Variants in GPC3 observed in about 807,000 individuals in gnomAD.
GPC3 encodes the protein glypican-3.
Under a neutral mutation model 34.4 loss-of-function variants are expected in GPC3, and 3 were observed. The ratio of observed to expected loss-of-function variants is 0.09; its 90% CI spans 0.04 to 0.23. The LOEUF (loss-of-function observed/expected upper bound fraction) is 0.23, where lower values mean the gene tolerates loss of function less well. Ranked by LOEUF, GPC3 falls within the 10% of genes least tolerant of loss-of-function variation. GPC3 has a pLI of 1.00. For missense variants in GPC3, 351 were observed against 445.6 expected (o/e 0.79, Z 1.91); for synonymous variants, 177 against 174.0 (o/e 1.02, Z -0.13).
intron 7 of GPC3, among the ~76,000 whole-genome samples, chrX:133,542,640 C>T (rs1244722803): frequency 8.9e-6 from 1 of 112,061 alleles, no homozygotes; most frequent in Non-Finnish European, 1.9e-5. Flanking sequence ...TCAATCTGGC[C>T]CTAATATAGC....
intron 3 of GPC3, among the ~76,000 whole-genome samples, chrX:133,734,847 C>A (rs1236679925): frequency 4.5e-5 from 5 of 110,250 alleles, no homozygotes; most frequent in Non-Finnish European, 9.5e-5. Context: ...AATAAATAAC[C>A]CAAAATGAAA....
At chrX:133,668,112 C>T (rs1427732493) in intron 5 of GPC3, among the ~76,000 whole-genome samples, 5 of 108,851 alleles carry the variant, frequency 4.6e-5, no homozygotes, top group Admixed American at 9.8e-5. Context: ...ACCCTGTTAG[C>T]CAGAATGGTC....
chrX:133,622,749 T>C (rs2070248181), intron 6 of GPC3, among the ~76,000 whole-genome samples: 1 of 111,931 alleles, frequency 8.9e-6, no homozygotes, highest in Non-Finnish European at 1.9e-5. Context: ...CTCTGCAGGA[T>C]ATTATTCAGG....
At chrX:133,789,456 C>T (rs2072138936) in intron 2 of GPC3, among the ~76,000 whole-genome samples, 1 of 112,066 alleles carries the variant, frequency 8.9e-6, no homozygotes, top group Non-Finnish European at 1.9e-5. Context: ...TGACACATCA[C>T]TGCTTTAACT....
At chrX:133,880,754 A>T (rs1436068172) in intron 2 of GPC3, among the ~76,000 whole-genome samples, 1 of 112,073 alleles carries the variant, frequency 8.9e-6, no homozygotes, top group East Asian at 2.8e-4. Flanking sequence ...AATGTGTTTC[A>T]GCTTTTAAAA....
At chrX:133,901,314 T>C (rs1156437646) in intron 2 of GPC3, among the ~76,000 whole-genome samples, 1 of 90,081 alleles carries the variant, frequency 1.1e-5, no homozygotes, top group African/African-American at 5.6e-5. Context: ...TTTGAAAACA[T>C]TCTCAAACAC....
chrX:133,952,454 A>G (rs1021921009), intron 2 of GPC3, among the ~76,000 whole-genome samples: 3 of 112,137 alleles, frequency 2.7e-5, no homozygotes, highest in African/African-American at 9.7e-5. Context: ...GGTACTCCCC[A>G]TCCTGCTATG....
At chrX:133,918,390 T>C (rs2076233769) in intron 2 of GPC3, among the ~76,000 whole-genome samples, 2 of 112,259 alleles carry the variant, frequency 1.8e-5, no homozygotes, top group Non-Finnish European at 3.8e-5. Context: ...ATACTGACAG[T>C]TTAATTGGTT....
chrX:133,984,553 A>G (rs1202614449), intron 1 of GPC3, among the ~76,000 whole-genome samples: 4 of 111,873 alleles, frequency 3.6e-5, no homozygotes, highest in Non-Finnish European at 7.5e-5. Flanking sequence ...GCCTGTCAAG[A>G]AGGCAGATGA....
chrX:133,597,284 G>A (rs978955825), intron 6 of GPC3, among the ~76,000 whole-genome samples: 5 of 111,384 alleles, frequency 4.5e-5, no homozygotes, highest in Non-Finnish European at 7.5e-5. Flanking sequence ...CGAATTTCAC[G>A]GGACTCCCGC....
At chrX:133,548,879 A>T (rs949367884) in intron 7 of GPC3, among the ~76,000 whole-genome samples, 2 of 111,597 alleles carry the variant, frequency 1.8e-5, no homozygotes, top group Admixed American at 1.9e-4. Context: ...ATAAGATGTG[A>T]CTTGCTCCTC....
chrX:133,690,172 C>T (rs1175468624), intron 5 of GPC3, among the ~76,000 whole-genome samples: 3 of 111,093 alleles, frequency 2.7e-5, no homozygotes, highest in Non-Finnish European at 5.7e-5. Flanking sequence ...CAGGGTGGCA[C>T]GCAACCTTAT....
intron 6 of GPC3, among the ~76,000 whole-genome samples, chrX:133,651,481 T>A (rs897127588): frequency 1.8e-5 from 2 of 111,831 alleles, no homozygotes; most frequent in African/African-American, 3.3e-5. Flanking sequence ...TAAGTTGGAT[T>A]TCCCCTATCA....
intron 6 of GPC3, among the ~76,000 whole-genome samples, chrX:133,637,324 C>T (rs778004079): frequency 1.9e-4 from 21 of 109,918 alleles, no homozygotes; most frequent in Non-Finnish European, 3.6e-4. Context: ...AAAAATTAGC[C>T]GGAAATCGCT....
At chrX:133,798,076 A>G (rs1306521598) in intron 2 of GPC3, among the ~76,000 whole-genome samples, 3 of 112,086 alleles carry the variant, frequency 2.7e-5, no homozygotes, top group Non-Finnish European at 3.8e-5. Context: ...ACACAAGTGA[A>G]AAAAGGTCAA....
At chrX:133,578,028 G>A (rs915410308) in intron 7 of GPC3, among the ~76,000 whole-genome samples, 4 of 112,121 alleles carry the variant, frequency 3.6e-5, no homozygotes, top group Non-Finnish European at 1.9e-5. Flanking sequence ...ACACCACAGC[G>A]TTGCTGGGAG....
intron 2 of GPC3, among the ~76,000 whole-genome samples, chrX:133,915,225 G>A (rs1279682246): frequency 9.1e-6 from 1 of 109,568 alleles, no homozygotes; most frequent in Non-Finnish European, 1.9e-5. Context: ...CCAGGCTGGA[G>A]AGCAATGGCG....
intron 6 of GPC3, among the ~76,000 whole-genome samples, chrX:133,660,073 G>A (rs2070703030): frequency 8.9e-6 from 1 of 111,996 alleles, no homozygotes; most frequent in African/African-American, 3.2e-5. Context: ...AGCACTAACA[G>A]CTATTTATTA....
intron 2 of GPC3, among the ~76,000 whole-genome samples, chrX:133,772,684 T>A (rs184169843): frequency 2.5e-3 from 285 of 112,222 alleles, no homozygotes; most frequent in African/African-American, 8.6e-3. Context: ...TAAATAACAG[T>A]AACAAGAACA....
Sources: allele counts gnomAD v4.1 joint callset (sites outside exome capture counted in the v4.1 genomes callset), GRCh38; gene constraint gnomAD v4.1.1; transcripts MANE v1.5; gene names NCBI Gene and HGNC (gene_info 2026-07-23, HGNC 2026-07-21).